Variants in HIVEP3 observed in about 807,000 individuals in gnomAD.
HIVEP3 encodes the protein transcription factor HIVEP3.
In HIVEP3, 49 loss-of-function variants were observed where a neutral mutation model predicts 152.8. That is an observed-to-expected ratio of 0.32 (90% CI 0.26 to 0.41). The LOEUF (loss-of-function observed/expected upper bound fraction) is 0.41. Among genes scored for constraint, HIVEP3 ranks in the 10% least tolerant of loss-of-function variants. The probability of loss-of-function intolerance (pLI) is 1.00; values close to 1 mark genes in which losing one functional copy is unlikely to be tolerated. For synonymous variants in HIVEP3, 1,269 were observed against 1,289.0 expected (o/e 0.98, Z 0.33); for missense variants, 2,790 against 3,103.3 (o/e 0.90, Z 2.40).
Position 41,624,370 on chromosome 1 carries a change from C to G in HIVEP3, c.-522+4379G>C, listed in dbSNP as rs545679633. Among the ~76,000 whole-genome samples, 19 of 152,308 alleles carry G rather than the reference C, an allele frequency of 1.2e-4. No homozygotes were observed. The East Asian group carries it at 3.3e-3, about 26-fold the overall frequency. On this transcript the variant is annotated intron_variant, in intron 3 of 8. Coordinates refer to ENST00000372583, the MANE Select transcript of HIVEP3 (RefSeq NM_024503.5). ...CTCCTATTCTAACAGAAAACGAGCA[C>G]GTACACACATTCAAACATGCTCTAT...
chr1:41,626,068 G>C (rs1231812616), intron 3 of HIVEP3, among the ~76,000 whole-genome samples: 1 of 152,212 alleles, frequency 6.6e-6, no homozygotes, highest in East Asian at 1.9e-4. Flanking sequence ...TTATTCTGGA[G>C]AAAGCCCCAC....
intron 1 of HIVEP3, among the ~76,000 whole-genome samples, chr1:41,835,521 G>A (rs1643095660): frequency 6.6e-6 from 1 of 152,158 alleles, no homozygotes; most frequent in Non-Finnish European, 1.5e-5. Context: ...GGGAGTTAGG[G>A]CTTCAACATA....
chr1:41,985,032 G>T (rs1321775613), intron 1 of HIVEP3, among the ~76,000 whole-genome samples: 2 of 152,264 alleles, frequency 1.3e-5, no homozygotes, highest in Admixed American at 1.3e-4. Flanking sequence ...CTTCCCAGGG[G>T]ATGACTGATT....
intron 3 of HIVEP3, among the ~76,000 whole-genome samples, chr1:41,598,082 A>G (rs2149121685): frequency 6.6e-6 from 1 of 152,316 alleles, no homozygotes; most frequent in South Asian, 2.1e-4. Context: ...TTTATCTTAA[A>G]TGGTCCAGGA....
chr1:41,866,407 C>G (rs151102503), intron 1 of HIVEP3, among the ~76,000 whole-genome samples: 1 of 152,348 alleles, frequency 6.6e-6, no homozygotes, highest in East Asian at 1.9e-4. Flanking sequence ...ACCTGCAGCT[C>G]AGGGTCGGCC....
chr1:41,530,913 C>T (rs1160150529), intron 5 of HIVEP3, among the ~76,000 whole-genome samples: 1 of 152,124 alleles, frequency 6.6e-6, no homozygotes. Context: ...TGACTTGGGG[C>T]GGGGTGTACA....
chr1:41,649,837 C>A (rs1481542872), intron 2 of HIVEP3, among the ~76,000 whole-genome samples: 1 of 152,122 alleles, frequency 6.6e-6, no homozygotes, highest in Non-Finnish European at 1.5e-5. Context: ...GCATCTGGCA[C>A]CCAATTTGGC....
At chr1:41,784,851 A>T (rs1649255735) in intron 1 of HIVEP3, among the ~76,000 whole-genome samples, 1 of 151,442 alleles carries the variant, frequency 6.6e-6, no homozygotes. Flanking sequence ...AAGTTTTTAC[A>T]TTTTTTTTTC....
intron 1 of HIVEP3, among the ~76,000 whole-genome samples, chr1:42,007,091 T>TA (rs1645463985): frequency 2.0e-5 from 3 of 152,184 alleles, no homozygotes; most frequent in Non-Finnish European, 4.4e-5. Flanking sequence ...TAAGCACAAT[T>TA]ATGAAATACA....
chr1:41,885,759 C>T (rs977147386), intron 1 of HIVEP3, among the ~76,000 whole-genome samples: 1 of 146,622 alleles, frequency 6.8e-6, no homozygotes, highest in African/African-American at 2.6e-5. Flanking sequence ...TCCCCCTTCC[C>T]TTCCATTCCC....
intron 1 of HIVEP3, among the ~76,000 whole-genome samples, chr1:41,812,735 G>A (rs917526582): frequency 4.0e-5 from 6 of 151,746 alleles, no homozygotes; most frequent in African/African-American, 1.2e-4. Context: ...GCTGGGCTGC[G>A]AAGCCACCAC....
chr1:42,008,629 T>C (rs939555552), intron 1 of HIVEP3, among the ~76,000 whole-genome samples: 2 of 152,348 alleles, frequency 1.3e-5, no homozygotes, highest in African/African-American at 4.8e-5. Context: ...CTTTAATAGT[T>C]GTTCTTTTTT....
At chr1:41,661,780 C>T (rs1202075460) in intron 2 of HIVEP3, among the ~76,000 whole-genome samples, 1 of 152,182 alleles carries the variant, frequency 6.6e-6, no homozygotes, top group African/African-American at 2.4e-5. Flanking sequence ...TGAGAGTCTG[C>T]GCTGGACACA....
intron 1 of HIVEP3, among the ~76,000 whole-genome samples, chr1:41,797,934 C>T (rs1016220996): frequency 6.6e-6 from 1 of 151,922 alleles, no homozygotes. Context: ...GAGCCGAGAT[C>T]GCACCATGGT....
chr1:41,666,122 C>CGTGT (rs60976179), intron 2 of HIVEP3, among the ~76,000 whole-genome samples: 13 of 149,828 alleles, frequency 8.7e-5, no homozygotes, highest in South Asian at 2.1e-4. Context: ...GGTGTGTGTG[C>CGTGT]GTGTGTGTGT....
At chr1:41,622,346 A>G (rs913315042) in intron 3 of HIVEP3, among the ~76,000 whole-genome samples, 1 of 152,210 alleles carries the variant, frequency 6.6e-6, no homozygotes, top group Admixed American at 6.5e-5. Flanking sequence ...AGGGAGCAGC[A>G]CACGCAAAGG....
chr1:41,815,243 G>A (rs1651192878), intron 1 of HIVEP3, among the ~76,000 whole-genome samples: 1 of 152,194 alleles, frequency 6.6e-6, no homozygotes, highest in Admixed American at 6.5e-5. Flanking sequence ...GGGAAGCTGA[G>A]GTGGGAGGTT....
At chr1:41,700,063 T>A (rs1183664817) in intron 2 of HIVEP3, among the ~76,000 whole-genome samples, 1 of 152,238 alleles carries the variant, frequency 6.6e-6, no homozygotes, top group Non-Finnish European at 1.5e-5. Flanking sequence ...CAAAGCCCAG[T>A]TCAAGCGTCA....
intron 1 of HIVEP3, among the ~76,000 whole-genome samples, chr1:41,718,774 CCACACACACA>C (rs3064313): frequency 3.4e-5 from 5 of 148,542 alleles, no homozygotes; most frequent in East Asian, 2.0e-4. Flanking sequence ...TCTTTCACAC[CCACACACACA>C]CACACACACA....
Sources: allele counts gnomAD v4.1 joint callset (sites outside exome capture counted in the v4.1 genomes callset), GRCh38; gene constraint gnomAD v4.1.1; transcripts MANE v1.5; gene names NCBI Gene and HGNC (gene_info 2026-07-23, HGNC 2026-07-21).